Variants in ODAD2 observed in about 807,000 individuals in gnomAD.
The protein encoded by ODAD2 is outer dynein arm docking complex subunit 2, also known as outer dynein arm-docking complex subunit 2.
Under a neutral mutation model 106.8 loss-of-function variants are expected in ODAD2, and 89 were observed. The observed-to-expected ratio is 0.83, with a 90% CI of 0.70 to 0.99. The LOEUF is 0.99. Ranked by LOEUF, ODAD2 falls within the 50% of genes least tolerant of loss-of-function variation. The pLI is 0.00. For missense variants in ODAD2, 1,168 were observed against 1,238.5 expected (o/e 0.94, Z 0.85); for synonymous variants, 404 against 436.2 (o/e 0.93, Z 0.92).
intron 12 of ODAD2, among the ~76,000 whole-genome samples, 182 bp downstream of exon 12, chr10:27,944,040 T>A (rs907724107): frequency 8.5e-5 from 13 of 152,048 alleles, no homozygotes; most frequent in African/African-American, 3.1e-4. Context: ...ATGTTTTTGT[T>A]TTGGACACTC....
At chr10:27,939,432 C>T (rs1846225545) in intron 14 of ODAD2, among the ~76,000 whole-genome samples, 2 of 152,174 alleles carry the variant, frequency 1.3e-5, no homozygotes, top group South Asian at 4.1e-4. Context: ...GTTAAAAATG[C>T]AGGCCGGGCA....
chr10:27,845,885 T>A (rs1039083420), intron 19 of ODAD2, among the ~76,000 whole-genome samples: 104 of 152,308 alleles, frequency 6.8e-4, no homozygotes, highest in African/African-American at 2.3e-3. Context: ...ATCCTAAATA[T>A]ATATGCACCC....
At chr10:27,911,375 T>C (rs1048112654) in intron 16 of ODAD2, among the ~76,000 whole-genome samples, 10 of 152,124 alleles carry the variant, frequency 6.6e-5, no homozygotes, top group African/African-American at 2.4e-4. Context: ...GACTACTGAT[T>C]TGGGGGTTAT....
At chr10:27,970,133 T>TG (rs879558677) in intron 8 of ODAD2, among the ~76,000 whole-genome samples, 34 of 150,794 alleles carry the variant, frequency 2.3e-4, no homozygotes, top group African/African-American at 7.3e-4. Flanking sequence ...AATAAATAAA[T>TG]AAATAAATAA....
intron 9 of ODAD2, among the ~76,000 whole-genome samples, chr10:27,963,026 T>C (rs77242182): frequency 7.3e-5 from 11 of 150,610 alleles, no homozygotes; most frequent in Non-Finnish European, 1.5e-4. Flanking sequence ...TTTTTTTTTT[T>C]AGACGAGATC....
intron 19 of ODAD2, among the ~76,000 whole-genome samples, chr10:27,841,112 T>C (rs1307012252): frequency 2.6e-5 from 4 of 152,358 alleles, no homozygotes; most frequent in East Asian, 3.9e-4. Context: ...TTTGCTAGTG[T>C]AATTATTAAG....
At chr10:27,927,069 TA>T (rs1416741374) in intron 16 of ODAD2, among the ~76,000 whole-genome samples, 1 of 152,136 alleles carries the variant, frequency 6.6e-6, no homozygotes, top group East Asian at 1.9e-4. Context: ...ATTGAGTTTT[TA>T]AAAGAAGTAG....
intron 16 of ODAD2, 49 bp downstream of exon 16, chr10:27,934,961 G>A (rs1327999581): frequency 1.9e-6 from 3 of 1,604,630 alleles, no homozygotes; most frequent in Non-Finnish European, 2.6e-6. Context: ...CCTCCCAAGT[G>A]TTCTCCCTAA....
At chr10:27,816,668 C>T (rs1589737197) in intron 19 of ODAD2, among the ~76,000 whole-genome samples, 1 of 152,282 alleles carries the variant, frequency 6.6e-6, no homozygotes, top group East Asian at 1.9e-4. Context: ...TAAGATTTTA[C>T]AGATGAAGTT....
chr10:27,964,946 G>C (rs1438411253), intron 9 of ODAD2, among the ~76,000 whole-genome samples: 7 of 152,178 alleles, frequency 4.6e-5, no homozygotes, highest in Admixed American at 1.3e-4. Flanking sequence ...CTTCAGTCTA[G>C]GTTAAGATTT....
intron 17 of ODAD2, among the ~76,000 whole-genome samples, chr10:27,896,701 G>A (rs766851765): frequency 2.0e-5 from 3 of 152,112 alleles, no homozygotes; most frequent in Non-Finnish European, 4.4e-5. Context: ...AGCCAGGCCT[G>A]TCTTTTTTTC....
intron 17 of ODAD2, among the ~76,000 whole-genome samples, chr10:27,863,274 G>C (rs1840194785): frequency 6.6e-6 from 1 of 152,050 alleles, no homozygotes; most frequent in Non-Finnish European, 1.5e-5. Context: ...ACCACATCTG[G>C]GGGCCACTGT....
Position 27,860,752 on chromosome 10 carries a change from A to G in ODAD2, c.2894T>C (p.Val965Ala), listed in dbSNP as rs1193928631. 4 of 1,614,090 alleles carry G rather than the reference A, an allele frequency of 2.5e-6. No homozygotes were observed. The highest frequency in any genetic ancestry group is 3.4e-6 in the Non-Finnish European group (4 of 1,180,024). ...NRVAFGEHKA[V>A]APLVRYLKSN... is the part of the protein sequence containing the mutation. The stretch of plus-strand genomic sequence containing the variant: ...TTTCAGATAACGCACTAGTGGAGCC[A>G]CTGCTTTGTGCTCACCGAAGGCCAC... Residue 965 changes from valine to alanine, a missense_variant, in exon 19 of 20, where the codon GTG (valine) becomes GCG (alanine). Transcript: ENST00000305242.
intron 16 of ODAD2, among the ~76,000 whole-genome samples, chr10:27,916,736 T>C (rs925264907): frequency 6.6e-6 from 1 of 152,104 alleles, no homozygotes; most frequent in African/African-American, 2.4e-5. Context: ...GAAATCAGTA[T>C]ATAACAACAA....
intron 10 of ODAD2, among the ~76,000 whole-genome samples, chr10:27,959,534 T>C (rs1847974173): frequency 6.6e-6 from 1 of 152,074 alleles, no homozygotes; most frequent in South Asian, 2.1e-4. Context: ...TCTGGACCAC[T>C]GTGTTGAACT....
chr10:27,878,444 C>T (rs1299498076), intron 17 of ODAD2, among the ~76,000 whole-genome samples: 10 of 152,126 alleles, frequency 6.6e-5, no homozygotes, highest in East Asian at 3.9e-4. Context: ...TTGCCTCCAG[C>T]GAAAAGCACT....
rs755853670 is a variant in ODAD2, at chr10:27,961,733, A to C, written c.1239-18T>G. 1 of 1,598,206 alleles carries C rather than the reference A, an allele frequency of 6.3e-7. No homozygotes were observed. The highest frequency in any genetic ancestry group is 1.1e-5 in the South Asian group (1 of 88,252). On this transcript the variant is annotated intron_variant, in intron 9 of 19. Coordinates refer to ENST00000305242, the MANE Select transcript of ODAD2 (RefSeq NM_018076.5). Reference sequence around the variant, plus strand: ...CACTCTTCCTAAGAACAATAACAACACACATACACATGTAAGCTATAGTGT... The same window carrying C: ...CACTCTTCCTAAGAACAATAACAACCCACATACACATGTAAGCTATAGTGT...
intron 2 of ODAD2, among the ~76,000 whole-genome samples, chr10:27,989,613 C>T (rs897579963): frequency 6.6e-6 from 1 of 152,170 alleles, no homozygotes; most frequent in Non-Finnish European, 1.5e-5. Flanking sequence ...GGTGAGAAGC[C>T]AAAGGGCACA....
At chr10:27,896,786 A>T (rs926192737) in intron 17 of ODAD2, among the ~76,000 whole-genome samples, 5 of 152,212 alleles carry the variant, frequency 3.3e-5, no homozygotes, top group Admixed American at 6.5e-5. Context: ...ATATAGATAC[A>T]TGCACAAAAT....
Sources: allele counts gnomAD v4.1 joint callset (sites outside exome capture counted in the v4.1 genomes callset), GRCh38; gene constraint gnomAD v4.1.1; transcripts MANE v1.5; gene names NCBI Gene and HGNC (gene_info 2026-07-23, HGNC 2026-07-21).